The following RFX3 variants were observed in gnomAD, a reference collection of about 807,000 sequenced individuals.
The protein encoded by RFX3 is regulatory factor X3.
Under a neutral mutation model 98.6 loss-of-function variants are expected in RFX3, and 14 were observed. The ratio of observed to expected loss-of-function variants is 0.14; its 90% confidence interval spans 0.09 to 0.22. The LOEUF is 0.22. Among genes scored for constraint, RFX3 ranks in the 10% least tolerant of loss-of-function variants. RFX3 has a pLI of 1.00. For synonymous variants in RFX3, 383 were observed against 328.4 expected, an observed-to-expected ratio of 1.17 and a Z score of -1.80; for missense variants, 639 against 926.9, an observed-to-expected ratio of 0.69 and a Z score of 4.03.
At chr9:3,406,416 T>G (rs1322981476) in intron 1 of RFX3, among the ~76,000 whole-genome samples, 1 of 152,046 alleles carries the variant, frequency 6.6e-6, no homozygotes, top group Admixed American at 6.6e-5. Flanking sequence ...ATCTTGCTCT[T>G]AACAAGTCCG....
chr9:3,275,123 C>G (rs1300130004), intron 9 of RFX3, among the ~76,000 whole-genome samples: 1 of 151,508 alleles, frequency 6.6e-6, no homozygotes, highest in Non-Finnish European at 1.5e-5. Flanking sequence ...CAGCTCCCTA[C>G]TAGATAAAGA....
rs1351135073 is a variant in RFX3 at position 3,224,294 on chromosome 9, T to C, written c.*748A>G. On this transcript the variant is annotated 3_prime_UTR_variant, in exon 17 of 17. Transcript: ENST00000617270. Reference sequence around the variant, plus strand: ...AATCAGTAGTCTTTAAACAGAGGAATTGGTATGCAAATAATAGTTAAAATT... The same window carrying C: ...AATCAGTAGTCTTTAAACAGAGGAACTGGTATGCAAATAATAGTTAAAATT... The C allele has an allele frequency of 6.6e-6, 1 of 152,162 alleles. No homozygotes were observed. The highest frequency in any genetic ancestry group is 1.5e-5 in the Non-Finnish European group (1 of 68,028). 9.4% of individuals were successfully genotyped at this position (152,162 alleles called of 1,614,324 possible).
At chr9:3,441,531 G>A (rs1252108556) in intron 1 of RFX3, among the ~76,000 whole-genome samples, 2 of 151,968 alleles carry the variant, frequency 1.3e-5, no homozygotes, top group African/African-American at 2.4e-5. Flanking sequence ...TAAAAGACTC[G>A]GGCATCTTGT....
rs1823611060 is a variant in RFX3 at position 3,266,194 on chromosome 9, G to C, written c.1455+14C>G. On this transcript the variant is annotated intron_variant, in intron 12 of 16. Coordinates refer to ENST00000617270, the MANE Select transcript of RFX3 (RefSeq NM_001282116.2). ...TCCTCAACACAAAAGAAAAAGCAAG[G>C]ACATAAAGTATACCTTGGTTTGTAT... 1 of 1,485,116 alleles carries C rather than the reference G, an allele frequency of 6.7e-7. No individual in the cohort carries two copies. The highest frequency in any genetic ancestry group is 1.4e-5 in the African/African-American group (1 of 72,080). 92.0% of individuals were successfully genotyped at this position (1,485,116 alleles called of 1,614,324 possible). A position where few individuals can be genotyped will look rare whatever the true frequency, so the allele number is the denominator to read the frequency against.
At chr9:3,313,568 C>T (rs917847230) in intron 4 of RFX3, among the ~76,000 whole-genome samples, 1 of 152,126 alleles carries the variant, frequency 6.6e-6, no homozygotes, top group African/African-American at 2.4e-5. Context: ...CAATAACAAA[C>T]TTCTCTGAGC....
chr9:3,273,859 T>A (rs1824844223), intron 9 of RFX3, among the ~76,000 whole-genome samples: 1 of 141,918 alleles, frequency 7.0e-6, no homozygotes, highest in African/African-American at 2.8e-5. Flanking sequence ...AGTGAGACTC[T>A]GTCTCAAAAA....
In RFX3 at chr9:3,525,929, AGAGAGAGAGAGG is replaced by A; in HGVS notation, c.-203_-192del. On this transcript the variant is annotated 5_prime_UTR_variant, in exon 1 of 17. Transcript: ENST00000617270. ...CAACGGTTGCTATAACTCACAAAAG[AGAGAGAGAGAGG>A]GAGAGAGAGAGAGAGCGAGAGGGAG... 5.2e-6 allele frequency: 5 copies of A among 953,044 alleles called. No individual in the cohort carries two copies. The highest frequency in any genetic ancestry group is 6.2e-6 in the Non-Finnish European group (5 of 805,936). 59.0% of individuals were successfully genotyped at this position (953,044 alleles called of 1,614,324 possible).
chr9:3,483,469 G>A lies in RFX3; in HGVS notation c.-9+42278C>T, dbSNP rs550986457. 4.6e-5 allele frequency among the ~76,000 whole-genome samples: 7 copies of A among 152,272 alleles called. No homozygotes were observed. The South Asian group carries it at 8.3e-4, about 18-fold the overall frequency. On this transcript the variant is annotated intron_variant, in intron 1 of 16. Coordinates refer to ENST00000617270, the MANE Select transcript of RFX3 (RefSeq NM_001282116.2). Reference sequence around the variant, plus strand: ...ACCAATATATGCAATTTATGGCACTGAATGAGACACAGATAATACAAAGGA... The same window carrying A: ...ACCAATATATGCAATTTATGGCACTAAATGAGACACAGATAATACAAAGGA...
At chr9:3,483,016 C>T (rs1243671051) in intron 1 of RFX3, among the ~76,000 whole-genome samples, 1 of 152,150 alleles carries the variant, frequency 6.6e-6, no homozygotes, top group African/African-American at 2.4e-5. Flanking sequence ...AGAGTATAAG[C>T]AGTTTAGCTA....
intron 2 of RFX3, among the ~76,000 whole-genome samples, chr9:3,374,790 T>G (rs1406308192): frequency 3.9e-5 from 6 of 151,916 alleles, no homozygotes; most frequent in African/African-American, 1.5e-4. Flanking sequence ...TGAATGTAAT[T>G]AACACACTGA....
chr9:3,493,700 AATATATAT>A (rs1288255611), intron 1 of RFX3, among the ~76,000 whole-genome samples: 127 of 71,776 alleles, frequency 1.8e-3, no homozygotes, highest in African/African-American at 5.4e-3. Context: ...AAAAAAAAAA[AATATATAT>A]ATATATATAT....
intron 1 of RFX3, among the ~76,000 whole-genome samples, chr9:3,442,892 TAATC>T (rs1845725393): frequency 6.6e-6 from 1 of 152,128 alleles, no homozygotes; most frequent in African/African-American, 2.4e-5. Context: ...AAATTAGACT[TAATC>T]AAAATTAAAA....
chr9:3,241,624 T>A (rs1325782386), intron 15 of RFX3, among the ~76,000 whole-genome samples: 1 of 152,072 alleles, frequency 6.6e-6, no homozygotes, highest in Non-Finnish European at 1.5e-5. Flanking sequence ...TGGGGTCACT[T>A]CTATAATTTA....
chr9:3,357,661 A>G (rs1315269662), intron 2 of RFX3, among the ~76,000 whole-genome samples: 1 of 152,004 alleles, frequency 6.6e-6, no homozygotes, highest in Non-Finnish European at 1.5e-5. Context: ...TAAAAGTAGT[A>G]AGTTCTAGTA....
At chr9:3,462,405 T>C (rs1330553516) in intron 1 of RFX3, among the ~76,000 whole-genome samples, 2 of 151,906 alleles carry the variant, frequency 1.3e-5, no homozygotes, top group African/African-American at 2.4e-5. Flanking sequence ...CTCAGCCTAA[T>C]AAAAGGCATC....
intron 2 of RFX3, among the ~76,000 whole-genome samples, chr9:3,371,699 T>A (rs1350595879): frequency 6.6e-6 from 1 of 152,100 alleles, no homozygotes; most frequent in Admixed American, 6.5e-5. Context: ...AATTACTAAA[T>A]GATTGAGAAA....
chr9:3,406,073 C>T (rs115929471), intron 1 of RFX3, among the ~76,000 whole-genome samples: 216 of 152,258 alleles, frequency 1.4e-3, no homozygotes, highest in African/African-American at 5.1e-3. Flanking sequence ...CCTCCCATCT[C>T]AGCCTCCTTA....
chr9:3,407,579 G>C (rs9695619), intron 1 of RFX3, among the ~76,000 whole-genome samples: 40,726 of 151,816 alleles, frequency 0.27, 10,697 homozygotes, highest in African/African-American at 0.69. Context: ...TTTTAACCTA[G>C]CCATATGCAG....
Position 3,525,941 on chromosome 9 carries a change from G to GAGGGA in RFX3, c.-204_-203insTCCCT, listed in dbSNP as rs1564207075. On this transcript the variant is annotated 5_prime_UTR_variant, in exon 1 of 17. Transcript: ENST00000617270. The stretch of plus-strand genomic sequence containing the variant: ...TAACTCACAAAAGAGAGAGAGAGAG[G>GAGGGA]GAGAGAGAGAGAGAGCGAGAGGGAG... The GAGGGA allele has an allele frequency of 7.5e-5, 59 of 781,906 alleles. No homozygotes were observed. In the African/African-American group the frequency reaches 1.1e-3, roughly 15 times the overall value. 48.4% of individuals were successfully genotyped at this position (781,906 alleles called of 1,614,324 possible). A position where few individuals can be genotyped will look rare whatever the true frequency, so the allele number is the denominator to read the frequency against.
Sources: gnomAD v4.1 joint callset for allele counts (sites outside exome capture counted in the v4.1 genomes callset) on GRCh38, gnomAD v4.1.1 for gene constraint, MANE v1.5 for transcripts, NCBI Gene and HGNC (gene_info 2026-07-23, HGNC 2026-07-21) for gene names.